SV2C: variants seen among roughly 807,000 people sequenced by gnomAD.
SV2C encodes the protein solute carrier family 22 member B3.
A neutral mutation model predicts 79.7 loss-of-function variants in SV2C; 49 were observed. The ratio of observed to expected loss-of-function variants is 0.61; its 90% CI spans 0.49 to 0.78. SV2C has a LOEUF of 0.78. SV2C is among the 30% of genes least tolerant of loss of function. The pLI is 0.00. For synonymous variants in SV2C, 334 were observed against 333.2 expected, an observed-to-expected ratio of 1.00 and a Z score of -0.03; for missense variants, 833 against 912.9, an observed-to-expected ratio of 0.91 and a Z score of 1.13.
intron 1 of SV2C, among the ~76,000 whole-genome samples, chr5:76,126,623 T>C (rs1197566413): frequency 6.6e-6 from 1 of 152,212 alleles, no homozygotes; most frequent in African/African-American, 2.4e-5. Context: ...GTTGAATGTC[T>C]CTTCTAGATC....
At chr5:76,096,116 G>T in intron 1 of SV2C, among the ~76,000 whole-genome samples, 1 of 152,000 alleles carries the variant, frequency 6.6e-6, no homozygotes, top group Non-Finnish European at 1.5e-5. Context: ...AATACACATT[G>T]GTATGATTTG....
At position 76,174,296 on chromosome 5, in the gene SV2C, G is replaced by T. The variant is rs112981212; in HGVS notation, c.581-20623G>T. The T allele has an allele frequency of 2.7e-3, 2,711 of 1,021,664 alleles. 40 individuals carry two copies. In the African/African-American group the frequency reaches 0.038, roughly 14 times the overall value. The allele number at this position is 1,021,664 out of a possible 1,614,324, so 63.3% of individuals were successfully genotyped here. ...GGGTCGCTACTCTAGGCGCCACGGC[G>T]GTCCTGCCGCTGCCGCGCCGCTCCG... On this transcript the variant is annotated intron_variant, in intron 2 of 12. Coordinates refer to ENST00000502798, the MANE Select transcript of SV2C (RefSeq NM_014979.4).
the SV2C span, among the ~76,000 whole-genome samples, chr5:75,952,822 G>A: frequency 1.3e-5 from 2 of 151,778 alleles, no homozygotes; most frequent in Non-Finnish European, 2.9e-5. Flanking sequence ...TTTCTTTATA[G>A]CAATGGAAAA....
the SV2C span, chr5:75,911,537 A>G: frequency 4.5e-6 from 3 of 669,772 alleles, no homozygotes; most frequent in Non-Finnish European, 8.1e-6. Flanking sequence ...TTGGGGACTG[A>G]GACTCCAAGT....
At chr5:76,334,833 C>T (rs562037896), downstream of SV2C, among the ~76,000 whole-genome samples, 20 of 152,130 alleles carry the variant, frequency 1.3e-4, no homozygotes, top group African/African-American at 4.6e-4. Context: ...CAAGAGTCAC[C>T]TCTCCCCCTA....
chr5:76,293,840 C>T (rs546708320), intron 8 of SV2C, among the ~76,000 whole-genome samples: 1 of 152,306 alleles, frequency 6.6e-6, no homozygotes, highest in East Asian at 1.9e-4. Flanking sequence ...TCCCATCATT[C>T]CAATAGTAGA....
intron 4 of SV2C, among the ~76,000 whole-genome samples, chr5:76,237,261 A>G (rs1745642034): frequency 6.6e-6 from 1 of 152,198 alleles, no homozygotes; most frequent in Non-Finnish European, 1.5e-5. Context: ...TTACTTTCTC[A>G]TACAACTTTT....
chr5:75,914,431 C>G, the SV2C span, among the ~76,000 whole-genome samples: 1 of 152,100 alleles, frequency 6.6e-6, no homozygotes, highest in African/African-American at 2.4e-5. Flanking sequence ...CCAGCTGAAT[C>G]TTTAGTGAAA....
chr5:75,876,326 C>G, the SV2C span, among the ~76,000 whole-genome samples: 1 of 151,994 alleles, frequency 6.6e-6, no homozygotes. Context: ...GAACAGAAAA[C>G]CAACTACTGC....
intron 4 of SV2C, chr5:76,242,189 T>G: frequency 1.9e-6 from 2 of 1,031,230 alleles, no homozygotes; most frequent in Non-Finnish European, 3.1e-6. Flanking sequence ...GGGCTCTGGC[T>G]TTGGAGGAGC....
intron 4 of SV2C, among the ~76,000 whole-genome samples, chr5:76,258,375 T>C (rs1746360277): frequency 1.3e-5 from 2 of 152,114 alleles, no homozygotes; most frequent in Non-Finnish European, 2.9e-5. Context: ...TAACCAGCTT[T>C]GTTAGTCTTC....
At position 76,352,228 on chromosome 5, in the gene SV2C, A is replaced by G. The variant is rs76181115; in HGVS notation, c.2001-902A>G. 3.2e-4 allele frequency among the ~76,000 whole-genome samples: 49 copies of G among 152,302 alleles called. No homozygotes were observed. The East Asian group carries it at 9.4e-3, about 29-fold the overall frequency. ...ACTCTGTCTTAAAACAAAACAAAAC[A>G]AAACAAAAACATCTGCCATGTAATC... On this transcript the variant is annotated intron_variant, in intron 12 of 12. Coordinates refer to the SV2C transcript ENST00000322285.
chr5:76,061,886 T>C, the SV2C span, among the ~76,000 whole-genome samples: 1 of 152,234 alleles, frequency 6.6e-6, no homozygotes, highest in East Asian at 1.9e-4. Context: ...GTAATCACGA[T>C]GATATTAATG....
the SV2C span, among the ~76,000 whole-genome samples, chr5:75,944,681 T>C: frequency 6.6e-6 from 1 of 152,124 alleles, no homozygotes; most frequent in South Asian, 2.1e-4. Flanking sequence ...ATGCTAACTG[T>C]CAGCAAGTGC....
chr5:76,352,007 G>A (rs1362207603), intron 12 of SV2C, among the ~76,000 whole-genome samples: 1 of 152,220 alleles, frequency 6.6e-6, no homozygotes, highest in African/African-American at 2.4e-5. Context: ...GAGGTCAGGA[G>A]TTCGAGACCA....
At position 76,194,972 on chromosome 5, in the gene SV2C, G is replaced by A. The variant is rs1426247371; in HGVS notation, c.634G>A (p.Ala212Thr). 1.2e-6 allele frequency: 2 copies of A among 1,614,058 alleles called. No homozygotes were observed. The highest frequency in any genetic ancestry group is 1.1e-5 in the South Asian group (1 of 91,076). ...MVGAFFWGGL[A>T]DKVGRKQSLL... The stretch of plus-strand genomic sequence containing the variant: ...GGGGGCGTTCTTCTGGGGAGGACTG[G>A]CAGACAAAGTGGGAAGGAAACAGTC... The change falls in exon 3 of 13, where the codon GCA becomes ACA. Residue 212 changes from alanine to threonine, a missense_variant. Physicochemically the swap from Ala to Thr is moderately conservative, Grantham distance 58 (BLOSUM62 0). Transcript: ENST00000502798.
chr5:76,030,840 A>G, the SV2C span, among the ~76,000 whole-genome samples: 1 of 152,156 alleles, frequency 6.6e-6, no homozygotes, highest in Non-Finnish European at 1.5e-5. Flanking sequence ...TAGCCACTGA[A>G]TATTTTGCTG....
the SV2C span, among the ~76,000 whole-genome samples, chr5:76,035,499 C>T: frequency 4.9e-4 from 75 of 152,166 alleles, no homozygotes; most frequent in African/African-American, 1.3e-3. Context: ...GCCTTCATTT[C>T]GTTATGTACC....
At chr5:76,351,899 A>G (rs1749649442) in intron 12 of SV2C, among the ~76,000 whole-genome samples, 1 of 152,144 alleles carries the variant, frequency 6.6e-6, no homozygotes, top group Admixed American at 6.5e-5. Context: ...TACTTTACAG[A>G]GGATAAAATC....
Sources: allele counts gnomAD v4.1 joint callset (sites outside exome capture counted in the v4.1 genomes callset), GRCh38; gene constraint gnomAD v4.1.1; transcripts MANE v1.5; gene names NCBI Gene and HGNC (gene_info 2026-07-23, HGNC 2026-07-21).